Variants in CAPZB observed in about 807,000 individuals in gnomAD.
The protein encoded by CAPZB is capping actin protein of muscle Z-line subunit beta.
A neutral mutation model predicts 38.1 loss-of-function variants in CAPZB; 2 were observed. The observed-to-expected ratio is 0.05, with a 90% CI of 0.02 to 0.17. CAPZB has a LOEUF of 0.17. Ranked by LOEUF, CAPZB falls within the 10% of genes least tolerant of loss-of-function variation. The pLI, the probability that CAPZB is intolerant of heterozygous loss-of-function variation, is 1.00. For synonymous variants in CAPZB, 107 were observed against 127.4 expected, an observed-to-expected ratio of 0.84 and a Z score of 1.08; for missense variants, 161 against 334.2, an observed-to-expected ratio of 0.48 and a Z score of 4.04.
intron 1 of CAPZB, among the ~76,000 whole-genome samples, chr1:19,458,376 G>C (rs529097416): frequency 6.6e-6 from 1 of 151,978 alleles, no homozygotes; most frequent in South Asian, 2.1e-4. Flanking sequence ...ATTTTGAGAC[G>C]GAGTTTCACT....
At chr1:19,352,015 C>T (rs1160587547) in intron 6 of CAPZB, among the ~76,000 whole-genome samples, 1 of 152,222 alleles carries the variant, frequency 6.6e-6, no homozygotes, top group Non-Finnish European at 1.5e-5. Context: ...GCATCTCCAC[C>T]CCTGAACCCA....
In CAPZB at chr1:19,484,408, C is replaced by T. The variant is rs556522890; in HGVS notation, c.3+1028G>A. 4.6e-6 allele frequency: 7 copies of T among 1,524,442 alleles called. No individual in the cohort carries two copies. The East Asian group carries it at 1.2e-4, about 27-fold the overall frequency. 94.4% of individuals were successfully genotyped at this position (1,524,442 alleles called of 1,614,324 possible). A position where few individuals can be genotyped will look rare whatever the true frequency, so the allele number is the denominator to read the frequency against. Reference sequence around the variant, plus strand: ...TCGCCCCTCGGCTCCCACTCAGGCCCGGGCGCCGTGGACCCCGGCCTGCCC... The same window carrying T: ...TCGCCCCTCGGCTCCCACTCAGGCCTGGGCGCCGTGGACCCCGGCCTGCCC... On this transcript the variant is annotated intron_variant, in intron 1 of 8. Transcript: ENST00000264202.
At chr1:19,450,143 CCAAAAAAAA>C (rs1431328751) in intron 1 of CAPZB, among the ~76,000 whole-genome samples, 30 of 39,042 alleles carry the variant, frequency 7.7e-4, no homozygotes, top group Admixed American at 4.3e-3. Flanking sequence ...GACCCTGTCT[CCAAAAAAAA>C]AAAAAAAAAA....
intron 4 of CAPZB, among the ~76,000 whole-genome samples, chr1:19,373,469 A>G (rs883003): frequency 0.011 from 1,721 of 152,250 alleles, 29 homozygotes; most frequent in African/African-American, 0.039. Flanking sequence ...CCAGGGATCA[A>G]AGCCCAGAGC....
chr1:19,391,033 C>G (rs775984529), intron 2 of CAPZB, among the ~76,000 whole-genome samples: 11 of 151,730 alleles, frequency 7.2e-5, no homozygotes, highest in African/African-American at 2.7e-4. Flanking sequence ...TACAGCACAG[C>G]TAGGTTCAAA....
chr1:19,373,624 G>A (rs2094130380), intron 4 of CAPZB, among the ~76,000 whole-genome samples: 1 of 152,022 alleles, frequency 6.6e-6, no homozygotes, highest in Non-Finnish European at 1.5e-5. Flanking sequence ...TCATGCTCTA[G>A]GTCTCTGGAC....
intron 4 of CAPZB, among the ~76,000 whole-genome samples, chr1:19,370,513 T>C (rs1282212284): frequency 1.3e-5 from 2 of 152,162 alleles, no homozygotes; most frequent in African/African-American, 4.8e-5. Context: ...TGAAGTACTG[T>C]CTACTGGTGA....
intron 6 of CAPZB, among the ~76,000 whole-genome samples, chr1:19,352,243 G>A (rs2093995500): frequency 6.6e-6 from 1 of 152,254 alleles, no homozygotes; most frequent in Admixed American, 6.5e-5. Flanking sequence ...ACAGGCAAGT[G>A]CCTCTACTGG....
intron 3 of CAPZB, among the ~76,000 whole-genome samples, chr1:19,381,473 G>A (rs1449103030): frequency 2.6e-5 from 4 of 152,066 alleles, no homozygotes; most frequent in African/African-American, 7.2e-5. Flanking sequence ...CTCACAGCCC[G>A]GGAGAGGAAG....
chr1:19,394,989 C>T (rs1168579905), intron 2 of CAPZB, among the ~76,000 whole-genome samples: 1 of 152,134 alleles, frequency 6.6e-6, no homozygotes, highest in East Asian at 1.9e-4. Context: ...AAAAGGTGAG[C>T]GATGACACTC....
At chr1:19,419,476 G>A (rs570046365) in intron 2 of CAPZB, among the ~76,000 whole-genome samples, 185 bp downstream of exon 2, 19 of 152,318 alleles carry the variant, frequency 1.2e-4, no homozygotes, top group African/African-American at 3.8e-4. Flanking sequence ...AGATGGTTCT[G>A]AATGACAGAC....
chr1:19,364,029 A>T (rs114384368), intron 4 of CAPZB, among the ~76,000 whole-genome samples: 1,812 of 152,208 alleles, frequency 0.012, 35 homozygotes, highest in African/African-American at 0.041. Context: ...CACTCACAGG[A>T]CTTGGACCTC....
intron 1 of CAPZB, among the ~76,000 whole-genome samples, chr1:19,444,753 T>A (rs2094490607): frequency 6.6e-6 from 1 of 152,206 alleles, no homozygotes; most frequent in Non-Finnish European, 1.5e-5. Flanking sequence ...TATTTTATTT[T>A]TATTTTTGAG....
intron 1 of CAPZB, among the ~76,000 whole-genome samples, chr1:19,459,121 A>G (rs2094542417): frequency 6.6e-6 from 1 of 152,088 alleles, no homozygotes; most frequent in Non-Finnish European, 1.5e-5. Flanking sequence ...ACCAGGTCCC[A>G]TTTTTCCAGG....
intron 1 of CAPZB, among the ~76,000 whole-genome samples, chr1:19,424,836 C>T (rs1274482182): frequency 1.3e-5 from 2 of 152,208 alleles, no homozygotes; most frequent in Non-Finnish European, 2.9e-5. Flanking sequence ...TGGATTTGGC[C>T]GCTTGCAGGC....
chr1:19,467,756 T>C (rs956188190), intron 1 of CAPZB, among the ~76,000 whole-genome samples: 5 of 152,214 alleles, frequency 3.3e-5, no homozygotes, highest in Non-Finnish European at 7.4e-5. Context: ...AGCCTCCCCA[T>C]TCACAAAAGC....
At chr1:19,440,512 C>G (rs894729480) in intron 1 of CAPZB, among the ~76,000 whole-genome samples, 1 of 152,122 alleles carries the variant, frequency 6.6e-6, no homozygotes, top group African/African-American at 2.4e-5. Context: ...AACTCCAGAC[C>G]AGCCTAAGGC....
chr1:19,353,440 G>T (rs2254648), intron 6 of CAPZB, among the ~76,000 whole-genome samples: 70,757 of 151,408 alleles, frequency 0.47, 17,070 homozygotes, highest in East Asian at 0.6. Context: ...ACCACGCCAC[G>T]CCAGAATGCC....
At chr1:19,430,501 A>G (rs1397914267) in intron 1 of CAPZB, among the ~76,000 whole-genome samples, 1 of 152,210 alleles carries the variant, frequency 6.6e-6, no homozygotes, top group Non-Finnish European at 1.5e-5. Flanking sequence ...CGAAATGACA[A>G]AAATTCTCCA....
Sources: gnomAD v4.1 joint callset for allele counts (sites outside exome capture counted in the v4.1 genomes callset) on GRCh38, gnomAD v4.1.1 for gene constraint, MANE v1.5 for transcripts, NCBI Gene and HGNC (gene_info 2026-07-23, HGNC 2026-07-21) for gene names.